The following AVL9 variants were observed in gnomAD, a reference collection of about 807,000 sequenced individuals.
The protein encoded by AVL9 is late secretory pathway protein AVL9 homolog.
In AVL9, 49 loss-of-function variants were observed where a neutral mutation model predicts 79.2. That is an observed-to-expected ratio of 0.62 (90% CI 0.49 to 0.79). The LOEUF is 0.79. Ranked by LOEUF, AVL9 falls within the 30% of genes least tolerant of loss-of-function variation. The pLI, the probability that AVL9 is intolerant of heterozygous loss-of-function variation, is 0.00. For synonymous variants in AVL9, 299 were observed against 280.6 expected, an observed-to-expected ratio of 1.07 and a Z score of -0.65; for missense variants, 682 against 776.8, an observed-to-expected ratio of 0.88 and a Z score of 1.45.
At chr7:32,551,615 T>TTTTTTTTTTTTTG in intron 5 of AVL9, among the ~76,000 whole-genome samples, 192 bp downstream of exon 5, 2 of 147,536 alleles carry the variant, frequency 1.4e-5, no homozygotes, top group African/African-American at 2.5e-5. Context: ...CTTTTTTTTT[T>TTTTTTTTTTTTTG]TTTTTTTTTA....
At chr7:32,539,649 C>T (rs1488586549) in intron 1 of AVL9, among the ~76,000 whole-genome samples, 1 of 152,172 alleles carries the variant, frequency 6.6e-6, no homozygotes, top group Non-Finnish European at 1.5e-5. Flanking sequence ...TATTAGTTTT[C>T]TCTTGCTGCT....
At chr7:32,501,512 GGC>G (rs2128111050) in intron 1 of AVL9, among the ~76,000 whole-genome samples, 1 of 152,134 alleles carries the variant, frequency 6.6e-6, no homozygotes, top group East Asian at 1.9e-4. Context: ...TCCTGATTTT[GGC>G]CATGCTTTTT....
chr7:32,529,310 A>AC (rs571080201), intron 1 of AVL9, among the ~76,000 whole-genome samples: 68 of 152,118 alleles, frequency 4.5e-4, no homozygotes, highest in East Asian at 3.5e-3. Context: ...AACAGAGGGG[A>AC]CCCCCCTATC....
intron 1 of AVL9, among the ~76,000 whole-genome samples, chr7:32,502,406 A>AAGAAAAAAG (rs1554332456): frequency 7.1e-6 from 1 of 140,118 alleles, no homozygotes; most frequent in Non-Finnish European, 1.5e-5. Flanking sequence ...AAAAAAAAAA[A>AAGAAAAAAG]AAAGAAAGAA....
chr7:32,584,245 T>C lies in AVL9; in HGVS notation c.*338T>C, dbSNP rs909147998. On this transcript the variant is annotated 3_prime_UTR_variant, in exon 16 of 16. Coordinates refer to ENST00000318709, the MANE Select transcript of AVL9 (RefSeq NM_015060.3). ...TACTTATGTAAATTTTGTTCTGTTT[T>C]GGTGTTTGAATATCTAGATGGTCAC... The C allele has an allele frequency of 7.4e-6, 2 of 269,016 alleles. No individual in the cohort carries two copies. The highest frequency in any genetic ancestry group is 2.2e-5 in the African/African-American group (1 of 45,518). 16.7% of individuals were successfully genotyped at this position (269,016 alleles called of 1,614,324 possible). A position where few individuals can be genotyped will look rare whatever the true frequency, so the allele number is the denominator to read the frequency against.
chr7:32,583,011 A>T (rs945480482), intron 15 of AVL9, among the ~76,000 whole-genome samples: 4 of 152,214 alleles, frequency 2.6e-5, no homozygotes, highest in Non-Finnish European at 5.9e-5. Context: ...ATACTGTTCT[A>T]TAAAACACAA....
In AVL9 at chr7:32,583,779, C is replaced by T. The variant is rs768404349; in HGVS notation, c.1832-13C>T. ...AAGACATTTTTCCTTTTGTTTTTCT[C>T]CTCTCCATCCAGGCCAGTCAGTTGG... On this transcript the variant is annotated splice_polypyrimidine_tract_variant and intron_variant, in intron 15 of 15. Coordinates refer to ENST00000318709, the MANE Select transcript of AVL9 (RefSeq NM_015060.3). The T allele has an allele frequency of 6.4e-6, 10 of 1,567,232 alleles. No homozygotes were observed. Among genetic ancestry groups the T allele is most frequent in the Non-Finnish European group, 8.7e-6 (10 of 1,144,656 alleles).
chr7:32,511,718 G>A (rs189573260), intron 1 of AVL9, among the ~76,000 whole-genome samples: 2 of 152,146 alleles, frequency 1.3e-5, no homozygotes, highest in South Asian at 2.1e-4. Flanking sequence ...AAACAGGTAC[G>A]CTGGAAAACT....
chr7:32,537,592 A>C (rs1788974929), intron 1 of AVL9: 1 of 150,286 alleles, frequency 6.7e-6, no homozygotes. Context: ...CCTCCTGAGT[A>C]GTTGGGACTA....
intron 1 of AVL9, among the ~76,000 whole-genome samples, chr7:32,528,947 C>G (rs1032790033): frequency 7.2e-5 from 11 of 152,102 alleles, no homozygotes; most frequent in Non-Finnish European, 1.5e-5. Flanking sequence ...GGAGCAGAGC[C>G]TGCAGTGAGC....
chr7:32,555,113 A>G (rs756871389), intron 8 of AVL9, among the ~76,000 whole-genome samples: 21 of 152,152 alleles, frequency 1.4e-4, no homozygotes, highest in Admixed American at 4.6e-4. Context: ...CTGAAGCAGG[A>G]GGATCACTTG....
intron 10 of AVL9, among the ~76,000 whole-genome samples, chr7:32,560,714 A>G (rs1251669696): frequency 2.0e-5 from 3 of 152,214 alleles, no homozygotes; most frequent in Non-Finnish European, 4.4e-5. Context: ...TCTTTTCCAG[A>G]AGACTTTCAA....
At chr7:32,544,895 A>G in intron 3 of AVL9, 116 bp downstream of exon 3, 1 of 699,622 alleles carries the variant, frequency 1.4e-6, no homozygotes. Flanking sequence ...TTTTGTATAC[A>G]ATTTGTAGCT....
intron 12 of AVL9, among the ~76,000 whole-genome samples, chr7:32,574,151 C>T (rs1403189472): frequency 2.6e-5 from 4 of 152,118 alleles, no homozygotes; most frequent in Non-Finnish European, 5.9e-5. Context: ...ATACACATAG[C>T]ATAAAATTTA....
chr7:32,533,842 G>A (rs990662386), intron 1 of AVL9: 1 of 152,182 alleles, frequency 6.6e-6, no homozygotes, highest in Non-Finnish European at 1.5e-5. Context: ...TGTGCTAATA[G>A]TTTGGCAGTG....
intron 1 of AVL9, among the ~76,000 whole-genome samples, chr7:32,540,815 T>C (rs1287787037): frequency 6.8e-6 from 1 of 147,706 alleles, no homozygotes; most frequent in Non-Finnish European, 1.5e-5. Flanking sequence ...GTAAAAATTA[T>C]ATTAATTCAA....
rs570394705 is a variant in AVL9, at chr7:32,500,693, C to T, written c.93+4891C>T. On this transcript the variant is annotated intron_variant, in intron 1 of 15. Transcript: ENST00000318709. ...TACGAAGTCTTTGCCATGCCTATAT[C>T]CTGAATGGTATTGCCTAGGTTTTCT... Among the ~76,000 whole-genome samples, 26 of 152,114 alleles carry T rather than the reference C, an allele frequency of 1.7e-4. No individual in the cohort carries two copies. The South Asian group carries it at 5.4e-3, about 32-fold the overall frequency.
chr7:32,523,439 G>T (rs1788255457), intron 1 of AVL9, among the ~76,000 whole-genome samples: 1 of 150,822 alleles, frequency 6.6e-6, no homozygotes, highest in African/African-American at 2.4e-5. Context: ...AGGTAAAATG[G>T]TCTGGGGGTA....
intron 11 of AVL9, among the ~76,000 whole-genome samples, chr7:32,571,022 G>A (rs1175786771): frequency 1.4e-5 from 2 of 144,860 alleles, no homozygotes; most frequent in Admixed American, 6.9e-5. Context: ...CTGAGGTCAG[G>A]AGTTCGAGAC....
Sources: gnomAD v4.1 joint callset for allele counts (sites outside exome capture counted in the v4.1 genomes callset) on GRCh38, gnomAD v4.1.1 for gene constraint, MANE v1.5 for transcripts, NCBI Gene and HGNC (gene_info 2026-07-23, HGNC 2026-07-21) for gene names.